GALNT14: variants seen among roughly 807,000 people sequenced by gnomAD.
The protein encoded by GALNT14 is polypeptide N-acetylgalactosaminyltransferase 14, also known as UDP-GalNAc:polypeptide N-acetylgalactosaminyltransferase 14.
In GALNT14, 60 loss-of-function variants were observed where a neutral mutation model predicts 77.5. The observed-to-expected ratio is 0.77, with a 90% CI of 0.63 to 0.96. The LOEUF (loss-of-function observed/expected upper bound fraction) is 0.96. Ranked by LOEUF, GALNT14 falls within the 40% of genes least tolerant of loss-of-function variation. The pLI is 0.00. For missense variants in GALNT14, 710 were observed against 731.0 expected (o/e 0.97, Z 0.33); for synonymous variants, 280 against 281.7 (o/e 0.99, Z 0.06).
rs528812257 is a variant in GALNT14 at position 30,929,139 on chromosome 2, CT to C, written c.1151+255del. Among the ~76,000 whole-genome samples, 53 of 152,316 alleles carry C rather than the reference CT, an allele frequency of 3.5e-4. 1 individual carries two copies. Among genetic ancestry groups the C allele is most frequent in the African/African-American group, 1.3e-3 (53 of 41,576 alleles). ...GCAAAAAGCAGGAAATATTGGTCCA[CT>C]GCACAAGGCACAGCTCAGCTCCCCT... On this transcript the variant is annotated intron_variant, in intron 11 of 14. Transcript: ENST00000349752.
chr2:31,094,593 C>T (rs1050815542), intron 1 of GALNT14, among the ~76,000 whole-genome samples: 2 of 152,188 alleles, frequency 1.3e-5, no homozygotes, highest in African/African-American at 4.8e-5. Flanking sequence ...TCCTTTGATC[C>T]AGTTTATTCC....
At chr2:30,941,858 C>T (rs1426636966) in intron 9 of GALNT14, among the ~76,000 whole-genome samples, 2 of 152,204 alleles carry the variant, frequency 1.3e-5, no homozygotes, top group East Asian at 3.9e-4. Context: ...CTTGCTCAAG[C>T]CTGTATCTGA....
chr2:31,003,510 T>A (rs1338444680), intron 1 of GALNT14, among the ~76,000 whole-genome samples: 1 of 152,234 alleles, frequency 6.6e-6, no homozygotes, highest in East Asian at 1.9e-4. Flanking sequence ...AGGCCAAGCC[T>A]GGATCCCTCT....
At chr2:30,903,248 A>G in the GALNT14 span, among the ~76,000 whole-genome samples, 2 of 152,198 alleles carry the variant, frequency 1.3e-5, no homozygotes, top group Non-Finnish European at 2.9e-5. Context: ...TTCTGGATGA[A>G]GGGGAAACAG....
chr2:30,913,103 C>T (rs1664471151), intron 13 of GALNT14, among the ~76,000 whole-genome samples: 1 of 152,104 alleles, frequency 6.6e-6, no homozygotes, highest in African/African-American at 2.4e-5. Context: ...ATTTTTCCTC[C>T]AAAGTACCAG....
intron 1 of GALNT14, among the ~76,000 whole-genome samples, chr2:31,135,777 G>GC (rs1036544314): frequency 7.2e-5 from 11 of 152,090 alleles, no homozygotes; most frequent in African/African-American, 2.4e-4. Context: ...AACTTATGTG[G>GC]CCCCCCACCC....
At chr2:31,022,838 T>G (rs1385744889) in intron 1 of GALNT14, among the ~76,000 whole-genome samples, 1 of 152,240 alleles carries the variant, frequency 6.6e-6, no homozygotes, top group East Asian at 1.9e-4. Context: ...AATGCCAAAA[T>G]TCTGGATAAG....
chr2:30,894,687 G>A, the GALNT14 span, among the ~76,000 whole-genome samples: 1 of 152,310 alleles, frequency 6.6e-6, no homozygotes, highest in East Asian at 1.9e-4. Flanking sequence ...ACATCTGCCT[G>A]TGGCCAGCTC....
intron 1 of GALNT14, among the ~76,000 whole-genome samples, chr2:31,106,627 T>C (rs1677572375): frequency 1.3e-5 from 2 of 152,238 alleles, no homozygotes; most frequent in Non-Finnish European, 2.9e-5. Flanking sequence ...AAGTTGGGTC[T>C]TTCTTCACAG....
At chr2:30,897,739 G>A in the GALNT14 span, among the ~76,000 whole-genome samples, 1 of 152,216 alleles carries the variant, frequency 6.6e-6, no homozygotes, top group Non-Finnish European at 1.5e-5. Context: ...GGCGGGAAAG[G>A]AACACAGACC....
chr2:30,895,432 A>C, the GALNT14 span, among the ~76,000 whole-genome samples: 1 of 152,316 alleles, frequency 6.6e-6, no homozygotes, highest in South Asian at 2.1e-4. Flanking sequence ...CCTGCCTCCC[A>C]CAGCCCTCCT....
intron 1 of GALNT14, among the ~76,000 whole-genome samples, chr2:31,105,380 T>C (rs1322015780): frequency 6.6e-6 from 1 of 152,136 alleles, no homozygotes; most frequent in Non-Finnish European, 1.5e-5. Flanking sequence ...ATTTTATACT[T>C]TTTCTGCCCT....
chr2:31,067,854 C>T (rs1241319944), intron 1 of GALNT14, among the ~76,000 whole-genome samples: 3 of 152,264 alleles, frequency 2.0e-5, no homozygotes, highest in Admixed American at 1.3e-4. Flanking sequence ...GTGGCTAAGG[C>T]GAGTCAGGTA....
intron 1 of GALNT14, among the ~76,000 whole-genome samples, chr2:31,077,801 T>C (rs1675893044): frequency 6.6e-6 from 1 of 152,236 alleles, no homozygotes. Context: ...ATTAGCAAGG[T>C]AGCCACATCA....
chr2:30,981,404 A>T (rs1412819171), intron 2 of GALNT14, among the ~76,000 whole-genome samples: 1 of 152,228 alleles, frequency 6.6e-6, no homozygotes, highest in Non-Finnish European at 1.5e-5. Context: ...AGGAGCAAGC[A>T]TCTCTGCTGC....
chr2:31,062,396 C>CT (rs1364566013), intron 1 of GALNT14, among the ~76,000 whole-genome samples: 2 of 152,084 alleles, frequency 1.3e-5, no homozygotes, highest in Admixed American at 6.5e-5. Flanking sequence ...TGAGCTTATT[C>CT]TTTTTTATGG....
chr2:31,025,680 A>G (rs1672003714), intron 1 of GALNT14, among the ~76,000 whole-genome samples: 1 of 152,204 alleles, frequency 6.6e-6, no homozygotes. Context: ...GGTGGCAATG[A>G]GAGGGCAAGT....
intron 1 of GALNT14, among the ~76,000 whole-genome samples, chr2:31,025,411 A>G (rs541856498): frequency 7.1e-4 from 108 of 152,326 alleles, no homozygotes; most frequent in African/African-American, 2.3e-3. Context: ...AGAGACGGGT[A>G]GAGGCAGGCA....
the GALNT14 span, among the ~76,000 whole-genome samples, chr2:30,900,934 T>C: frequency 2.0e-5 from 3 of 152,136 alleles, no homozygotes; most frequent in African/African-American, 7.2e-5. Context: ...ATCCACCAGC[T>C]GGAGGAGTGG....
Sources: allele counts gnomAD v4.1 joint callset (sites outside exome capture counted in the v4.1 genomes callset), GRCh38; gene constraint gnomAD v4.1.1; transcripts MANE v1.5; gene names NCBI Gene and HGNC (gene_info 2026-07-23, HGNC 2026-07-21).